CUX1: variants seen among roughly 807,000 people sequenced by gnomAD.
The protein encoded by CUX1 is protein CASP.
Under a neutral mutation model 158.8 loss-of-function variants are expected in CUX1, and 31 were observed. The observed-to-expected ratio is 0.20, with a 90% CI of 0.15 to 0.26. CUX1 has a LOEUF of 0.26. CUX1 is among the 10% of genes least tolerant of loss of function. The probability of loss-of-function intolerance (pLI) is 1.00; values close to 1 mark genes in which losing one functional copy is unlikely to be tolerated. For missense variants in CUX1, 1,589 were observed against 2,014.6 expected, an observed-to-expected ratio of 0.79 and a Z score of 4.04; for synonymous variants, 879 against 862.1, an observed-to-expected ratio of 1.02 and a Z score of -0.34.
chr7:101,830,747 C>G (rs1793892698), intron 1 of CUX1, among the ~76,000 whole-genome samples: 1 of 152,154 alleles, frequency 6.6e-6, no homozygotes, highest in Non-Finnish European at 1.5e-5. Flanking sequence ...GCGTGAGCCA[C>G]CACGCCTGGC....
chr7:102,255,032 G>A lies in CUX1; in HGVS notation c.*5990G>A. 1 of 985,538 alleles carries A rather than the reference G, an allele frequency of 1.0e-6. No individual in the cohort carries two copies. Among genetic ancestry groups the A allele is most frequent in the Non-Finnish European group, 1.2e-6 (1 of 830,046 alleles). 61.0% of individuals were successfully genotyped at this position (985,538 alleles called of 1,614,324 possible). A position where few individuals can be genotyped will look rare whatever the true frequency, so the allele number is the denominator to read the frequency against. On this transcript the variant is annotated 3_prime_UTR_variant, in exon 24 of 24. Coordinates refer to ENST00000292535, the MANE Select transcript of CUX1 (RefSeq NM_181552.4). ...CTTAATCAGGACGGAAGAGGAGGGG[G>A]TGTGGGGGGCAGAGCGTAAAACAAG... is the stretch of plus-strand genomic sequence containing the variant.
chr7:102,213,855 G>A (rs782536801), intron 20 of CUX1, among the ~76,000 whole-genome samples: 1 of 152,174 alleles, frequency 6.6e-6, no homozygotes, highest in Non-Finnish European at 1.5e-5. Flanking sequence ...AAGTGAGGCC[G>A]GGCTCAGTGG....
rs150400226 is a variant in CUX1, at chr7:102,267,149, G to A, written c.1256-6217G>A. Among the ~76,000 whole-genome samples the A allele has an allele frequency of 2.8e-3, 422 of 152,148 alleles. 6 individuals are homozygous for A. Among genetic ancestry groups the A allele is most frequent in the Non-Finnish European group, 2.0e-3 (134 of 67,982 alleles). On this transcript the variant is annotated intron_variant, in intron 14 of 22. Coordinates refer to the CUX1 transcript ENST00000292538. ...GCAGAGGCAGGGAGGGGTGGATGAGGCAGCAGCTTGGCCCCCTCAGTGTCC... is the reference window on the plus strand; with the variant it reads ...GCAGAGGCAGGGAGGGGTGGATGAGACAGCAGCTTGGCCCCCTCAGTGTCC...
intron 1 of CUX1, among the ~76,000 whole-genome samples, chr7:101,840,061 G>A (rs746710378): frequency 2.5e-4 from 38 of 152,128 alleles, no homozygotes; most frequent in African/African-American, 8.4e-4. Context: ...CACGCTGGCC[G>A]TTATAGTTTT....
In CUX1 at chr7:102,202,064, A is replaced by G. The variant is rs917985604; in HGVS notation, c.2767A>G (p.Thr923Ala). 16 of 1,614,056 alleles carry G rather than the reference A, an allele frequency of 9.9e-6. No individual in the cohort carries two copies. The highest frequency in any genetic ancestry group is 1.3e-5 in the Non-Finnish European group (15 of 1,179,988). The change falls in exon 18 of 24, where the codon ACC becomes GCC. Residue 923 changes from threonine to alanine, a missense_variant. By Grantham distance (58) the Thr-to-Ala change is moderately conservative. This residue lies in a region of CUX1 where 337 missense variants were observed against 409.3 expected (regional missense o/e 0.82). Transcript: ENST00000292535. ...SSPIVPMSKPTKPSVPPLTPE... is the reference protein window; with the variant it reads ...SSPIVPMSKPAKPSVPPLTPE... ...CCCGATCGTGCCCATGTCCAAGCCCACCAAGCCCTCGGTCCCCCCGCTGAC... is the reference window on the plus strand; with the variant it reads ...CCCGATCGTGCCCATGTCCAAGCCCGCCAAGCCCTCGGTCCCCCCGCTGAC...
chr7:101,821,310 G>GT (rs1204586349), intron 1 of CUX1, among the ~76,000 whole-genome samples: 2 of 150,040 alleles, frequency 1.3e-5, no homozygotes, highest in African/African-American at 2.5e-5. Context: ...AACCATAAAA[G>GT]TATTAACTTG....
chr7:101,819,164 C>T (rs1792199982), intron 1 of CUX1, among the ~76,000 whole-genome samples: 1 of 152,202 alleles, frequency 6.6e-6, no homozygotes, highest in South Asian at 2.1e-4. Context: ...AGTTTCAGTG[C>T]TTTGGTATTG....
chr7:102,082,818 CT>C (rs1554479251), intron 4 of CUX1, among the ~76,000 whole-genome samples: 1 of 147,486 alleles, frequency 6.8e-6, no homozygotes, highest in African/African-American at 2.4e-5. Context: ...TGATATTCCA[CT>C]GTGTGGATAT....
intron 20 of CUX1, among the ~76,000 whole-genome samples, chr7:102,216,533 CCCACACACACACA>C (rs1797080569): frequency 1.0e-5 from 1 of 95,444 alleles, no homozygotes; most frequent in African/African-American, 3.7e-5. Flanking sequence ...CACTCTCCCC[CCCACACACACACA>C]CCCACACACG....
At chr7:102,204,314 G>A in intron 18 of CUX1, 77 bp from the exon 19 acceptor site, 1 of 1,562,570 alleles carries the variant, frequency 6.4e-7, no homozygotes, top group Non-Finnish European at 8.7e-7. Flanking sequence ...TGCGTGGTGG[G>A]TGTGCATTGC....
intron 3 of CUX1, among the ~76,000 whole-genome samples, chr7:102,042,671 C>G (rs1467756615): frequency 6.6e-6 from 1 of 152,156 alleles, no homozygotes; most frequent in Non-Finnish European, 1.5e-5. Flanking sequence ...CTCCTTTGAT[C>G]ATTTTCCTGA....
chr7:101,862,276 G>C (rs529220502), intron 1 of CUX1, among the ~76,000 whole-genome samples: 1 of 151,860 alleles, frequency 6.6e-6, no homozygotes, highest in East Asian at 1.9e-4. Context: ...TTGGTCTCGG[G>C]GGTGTGTGGC....
chr7:102,108,746 G>GTGTGTGTGTGTC (rs1830616161), intron 6 of CUX1, among the ~76,000 whole-genome samples: 1 of 151,322 alleles, frequency 6.6e-6, no homozygotes, highest in Non-Finnish European at 1.5e-5. Context: ...TTGTGTGTGT[G>GTGTGTGTGTGTC]TGTGTGTGTG....
intron 7 of CUX1, 138 bp from the exon 8 acceptor site, chr7:102,115,069 G>T: frequency 1.4e-6 from 1 of 711,760 alleles, no homozygotes; most frequent in Admixed American, 2.9e-5. Flanking sequence ...GGCCTCTTTT[G>T]TGTGTTTTTA....
At chr7:101,971,776 G>A (rs113380467) in intron 2 of CUX1, among the ~76,000 whole-genome samples, 3 of 152,174 alleles carry the variant, frequency 2.0e-5, no homozygotes, top group Non-Finnish European at 4.4e-5. Flanking sequence ...TTCATTGCCG[G>A]TTACAAGTTG....
At chr7:102,193,439 G>T (rs1794482405) in intron 12 of CUX1, among the ~76,000 whole-genome samples, 1 of 152,186 alleles carries the variant, frequency 6.6e-6, no homozygotes. Context: ...TGTTAAAGTT[G>T]ACAGTTCTTC....
intron 1 of CUX1, among the ~76,000 whole-genome samples, chr7:101,831,032 A>G (rs1222339232): frequency 1.3e-5 from 2 of 152,082 alleles, no homozygotes; most frequent in Admixed American, 6.6e-5. Flanking sequence ...ACCCAAAGAA[A>G]TATACTTCTG....
chr7:102,036,667 G>A (rs769553925), intron 3 of CUX1, among the ~76,000 whole-genome samples: 29 of 151,750 alleles, frequency 1.9e-4, no homozygotes, highest in Non-Finnish European at 3.7e-4. Context: ...GCTTGAACCC[G>A]GGAAGCAGAG....
At chr7:102,262,555 C>G (rs1198191651), downstream of CUX1, among the ~76,000 whole-genome samples, 1 of 152,252 alleles carries the variant, frequency 6.6e-6, no homozygotes, top group Non-Finnish European at 1.5e-5. Context: ...GTGGAAGCAG[C>G]AGAGGACTGG....
Sources: gnomAD v4.1 joint callset for allele counts (sites outside exome capture counted in the v4.1 genomes callset) on GRCh38, gnomAD v4.1.1 for gene constraint, gnomAD v4.1.1 regional missense constraint, MANE v1.5 for transcripts, NCBI Gene and HGNC (gene_info 2026-07-23, HGNC 2026-07-21) for gene names.